The following MYO9A variants were observed in gnomAD, a reference collection of about 807,000 sequenced individuals.
The protein encoded by MYO9A is myosin IXA, also known as unconventional myosin-IXa.
Under a neutral mutation model 293.3 loss-of-function variants are expected in MYO9A, and 103 were observed. The observed-to-expected ratio is 0.35, with a 90% CI of 0.30 to 0.41. The LOEUF is 0.41. MYO9A is among the 10% of genes least tolerant of loss of function. The pLI is 1.00. For missense variants in MYO9A, 2,685 were observed against 3,033.0 expected, an observed-to-expected ratio of 0.89 and a Z score of 2.69; for synonymous variants, 1,001 against 1,035.7, an observed-to-expected ratio of 0.97 and a Z score of 0.64.
intron 8 of MYO9A, among the ~76,000 whole-genome samples, chr15:72,000,210 A>G (rs1007760838): frequency 6.6e-6 from 1 of 152,252 alleles, no homozygotes; most frequent in African/African-American, 2.4e-5. Flanking sequence ...AAAATATAGA[A>G]TAGTATAAAA....
intron 39 of MYO9A, among the ~76,000 whole-genome samples, chr15:71,833,403 T>C (rs539442757): frequency 4.6e-5 from 7 of 152,200 alleles, no homozygotes; most frequent in South Asian, 4.1e-4. Context: ...TACCTCACAA[T>C]GACAAAGGTT....
chr15:71,865,675 G>A (rs1234661206), intron 32 of MYO9A, among the ~76,000 whole-genome samples: 2 of 152,168 alleles, frequency 1.3e-5, no homozygotes, highest in South Asian at 2.1e-4. Context: ...TTGAGTGAGT[G>A]CTCAGAAAGT....
chr15:72,036,973 T>C lies in MYO9A; in HGVS notation c.841-4385A>G, dbSNP rs150447682. Among the ~76,000 whole-genome samples, 64 of 151,950 alleles carry C rather than the reference T, an allele frequency of 4.2e-4. 1 individual carries two copies. In the East Asian group the frequency reaches 0.012, roughly 29 times the overall value. On this transcript the variant is annotated intron_variant, in intron 2 of 41. Coordinates refer to ENST00000356056, the MANE Select transcript of MYO9A (RefSeq NM_006901.4). ...GTCTTGAACTCCTGGGCTCAAGTGA[T>C]CCACCTACCTGAGCCTCCCAAAGTG...
At chr15:71,996,688 A>T (rs1223645474) in intron 9 of MYO9A, among the ~76,000 whole-genome samples, 1 of 151,784 alleles carries the variant, frequency 6.6e-6, no homozygotes. Flanking sequence ...ATTTAATCAA[A>T]TTTTTTTCTT....
At chr15:71,828,617 C>T (rs532233482) in intron 40 of MYO9A, among the ~76,000 whole-genome samples, 56 of 152,294 alleles carry the variant, frequency 3.7e-4, no homozygotes, top group African/African-American at 1.2e-3. Context: ...TTCTTCATCA[C>T]GGTCACCCAG....
intron 39 of MYO9A, 68 bp from the exon 40 acceptor site, chr15:71,830,379 G>T: frequency 7.1e-7 from 1 of 1,418,178 alleles, no homozygotes; most frequent in Non-Finnish European, 9.9e-7. Flanking sequence ...GCTCTTTTAG[G>T]ATAACAAGTG....
intron 26 of MYO9A, chr15:71,890,006 G>C (rs985757610): frequency 1.3e-5 from 2 of 152,090 alleles, no homozygotes; most frequent in African/African-American, 2.4e-5. Flanking sequence ...TTTCTACCAC[G>C]CAAGACCAAC....
intron 11 of MYO9A, among the ~76,000 whole-genome samples, chr15:71,983,487 T>TTTTTTTTTTG: frequency 7.2e-6 from 1 of 138,780 alleles, no homozygotes; most frequent in African/African-American, 2.7e-5. Context: ...TTTTTTTTTT[T>TTTTTTTTTTG]TTTTTTTGAG....
chr15:71,867,816 A>T (rs933409739), intron 32 of MYO9A, among the ~76,000 whole-genome samples: 27 of 144,596 alleles, frequency 1.9e-4, no homozygotes, highest in African/African-American at 6.9e-4. Flanking sequence ...ACACACACAC[A>T]CACACACACA....
intron 6 of MYO9A, among the ~76,000 whole-genome samples, chr15:72,017,476 A>G (rs1596388291): frequency 6.6e-6 from 1 of 152,274 alleles, no homozygotes; most frequent in South Asian, 2.1e-4. Flanking sequence ...GTAGTACGTG[A>G]AAAAGGAAAA....
intron 27 of MYO9A, among the ~76,000 whole-genome samples, chr15:71,884,409 C>CA (rs1246749595): frequency 6.6e-6 from 1 of 152,140 alleles, no homozygotes; most frequent in Non-Finnish European, 1.5e-5. Flanking sequence ...ACAGTGCTTA[C>CA]AAAATTTAAT....
chr15:72,081,658 T>C (rs1384022060), intron 1 of MYO9A, among the ~76,000 whole-genome samples: 2 of 152,118 alleles, frequency 1.3e-5, no homozygotes, highest in Admixed American at 1.3e-4. Context: ...TTGTCTTCCA[T>C]GGTTTTTACA....
chr15:72,075,531 A>G (rs2079323212), intron 1 of MYO9A, among the ~76,000 whole-genome samples: 1 of 152,046 alleles, frequency 6.6e-6, no homozygotes, highest in South Asian at 2.1e-4. Flanking sequence ...GGAAATTCTC[A>G]AGTAAAAAAT....
At chr15:71,998,280 G>A (rs897968177) in intron 9 of MYO9A, among the ~76,000 whole-genome samples, 3 of 152,056 alleles carry the variant, frequency 2.0e-5, no homozygotes, top group Admixed American at 1.3e-4. Context: ...GAGAACACAC[G>A]GAGACATAAA....
chr15:72,029,282 G>A (rs970350362), intron 3 of MYO9A, among the ~76,000 whole-genome samples: 18 of 152,152 alleles, frequency 1.2e-4, no homozygotes, highest in Admixed American at 9.8e-4. Flanking sequence ...TAACTACAGA[G>A]GTACATTCTG....
chr15:71,926,463 C>T (rs1006422717), intron 18 of MYO9A, among the ~76,000 whole-genome samples: 3 of 152,250 alleles, frequency 2.0e-5, no homozygotes, highest in Admixed American at 6.5e-5. Context: ...AACCCCAGCA[C>T]TTTGGGAGGC....
At chr15:72,057,794 A>G (rs1225582744) in intron 1 of MYO9A, among the ~76,000 whole-genome samples, 1 of 152,234 alleles carries the variant, frequency 6.6e-6, no homozygotes, top group Non-Finnish European at 1.5e-5. Flanking sequence ...AAATCTTATC[A>G]ACATATTTGA....
chr15:71,886,817 A>C (rs978037375), intron 27 of MYO9A, among the ~76,000 whole-genome samples: 1 of 152,062 alleles, frequency 6.6e-6, no homozygotes, highest in African/African-American at 2.4e-5. Flanking sequence ...TATATAATCT[A>C]TTATTTCCAG....
intron 1 of MYO9A, among the ~76,000 whole-genome samples, chr15:72,057,672 C>T (rs1054451165): frequency 6.6e-6 from 1 of 152,210 alleles, no homozygotes; most frequent in African/African-American, 2.4e-5. Context: ...TCTTCCCACA[C>T]CAGGGCCGCT....
Sources: allele counts gnomAD v4.1 joint callset (sites outside exome capture counted in the v4.1 genomes callset), GRCh38; gene constraint gnomAD v4.1.1; transcripts MANE v1.5; gene names NCBI Gene and HGNC (gene_info 2026-07-23, HGNC 2026-07-21).